Variants in NSG1 observed in about 807,000 individuals in gnomAD.
NSG1 encodes the protein neuronal vesicle trafficking-associated protein 1.
Under a neutral mutation model 19.3 loss-of-function variants are expected in NSG1, and 9 were observed. That is an observed-to-expected ratio of 0.47 (90% CI 0.28 to 0.81). The LOEUF (loss-of-function observed/expected upper bound fraction) is 0.81. NSG1 is among the 40% of genes least tolerant of loss of function. The pLI is 0.11. For missense variants in NSG1, 236 were observed against 242.4 expected, an observed-to-expected ratio of 0.97 and a Z score of 0.18; for synonymous variants, 104 against 107.0, an observed-to-expected ratio of 0.97 and a Z score of 0.17.
Position 4,417,226 on chromosome 4 carries a change from GT to G in NSG1, c.358-8del. On this transcript the variant is annotated splice_polypyrimidine_tract_variant and splice_region_variant and intron_variant, in intron 4 of 4. Transcript: ENST00000621129. ...CGACGCGTGCTCTCAGTGGCCTCTT[GT>G]CTTTCAGAACACCCAGTGCATCCCA... 6.2e-7 allele frequency: 1 copy of G among 1,613,528 alleles called. No individual in the cohort carries two copies. The highest frequency in any genetic ancestry group is 1.3e-5 in the African/African-American group (1 of 75,048).
Position 4,416,105 on chromosome 4 carries a change from C to G in NSG1, c.358-1130C>G, listed in dbSNP as rs6855172. 4.4e-3 allele frequency: 3,034 copies of G among 696,780 alleles called. 69 individuals are homozygous for G. In the African/African-American group the frequency reaches 0.046, roughly 11 times the overall value. 43.2% of individuals were successfully genotyped at this position (696,780 alleles called of 1,614,324 possible). ...CTTTACTTGAGCCACTGTGCATTGACTTGAGTCCTCAGCAACACGGTGGTG... is the reference window on the plus strand; with the variant it reads ...CTTTACTTGAGCCACTGTGCATTGAGTTGAGTCCTCAGCAACACGGTGGTG... On this transcript the variant is annotated intron_variant, in intron 4 of 4. Coordinates refer to ENST00000621129, the MANE Select transcript of NSG1 (RefSeq NM_014392.5).
chr4:4,398,733 G>T (rs1388449624), intron 3 of NSG1, among the ~76,000 whole-genome samples: 12 of 152,160 alleles, frequency 7.9e-5, no homozygotes. Context: ...GCTGTTGTGG[G>T]TAGCGCTGCT....
In NSG1 at chr4:4,392,049, C is replaced by G. The variant is rs371297085; in HGVS notation, c.246+458C>G. Among the ~76,000 whole-genome samples, 5 of 152,190 alleles carry G rather than the reference C, an allele frequency of 3.3e-5. No individual in the cohort carries two copies. The South Asian group carries it at 8.3e-4, about 25-fold the overall frequency. The stretch of plus-strand genomic sequence containing the variant: ...GGCACACCAGTACTATCGGTATAAC[C>G]CATTTTGCAGATGGAAAGGTTGAGG... On this transcript the variant is annotated intron_variant, in intron 3 of 4. Transcript: ENST00000621129.
At chr4:4,398,527 GAATCTT>G (rs1723389845) in intron 3 of NSG1, among the ~76,000 whole-genome samples, 7 of 152,088 alleles carry the variant, frequency 4.6e-5, no homozygotes, top group Admixed American at 3.3e-4. Context: ...CATAGAAATA[GAATCTT>G]GTAAGATGTG....
chr4:4,396,258 G>A (rs1227227833), intron 3 of NSG1, among the ~76,000 whole-genome samples: 1 of 152,148 alleles, frequency 6.6e-6, no homozygotes, highest in Non-Finnish European at 1.5e-5. Context: ...TCTCCTTCCG[G>A]TCTGGAGACT....
chr4:4,388,648 A>G (rs1317555241), intron 2 of NSG1, among the ~76,000 whole-genome samples: 4 of 146,866 alleles, frequency 2.7e-5, no homozygotes, highest in African/African-American at 7.5e-5. Context: ...GTGCTTTTCT[A>G]TTTATTTTCT....
At chr4:4,410,266 A>G (rs1218583659) in intron 4 of NSG1, among the ~76,000 whole-genome samples, 1 of 152,178 alleles carries the variant, frequency 6.6e-6, no homozygotes, top group Non-Finnish European at 1.5e-5. Context: ...TGCATATATA[A>G]TGCTCATTCC....
In NSG1 at chr4:4,418,726, C is replaced by T. The variant is rs554042285; in HGVS notation, c.*1291C>T. The T allele has an allele frequency of 1.8e-4, 28 of 152,712 alleles. No homozygotes were observed. Among genetic ancestry groups the T allele is most frequent in the African/African-American group, 5.8e-4 (24 of 41,558 alleles). 9.5% of individuals were successfully genotyped at this position (152,712 alleles called of 1,614,324 possible). ...GAACAGGCATGGTGACCGTGGTCAG[C>T]GCCACTCTTGTTTCCTGAAATGTGC... is the stretch of plus-strand genomic sequence containing the variant. On this transcript the variant is annotated 3_prime_UTR_variant, in exon 5 of 5. Transcript: ENST00000621129.
intron 3 of NSG1, among the ~76,000 whole-genome samples, chr4:4,398,489 C>T (rs1373912319): frequency 6.6e-6 from 1 of 151,930 alleles, no homozygotes; most frequent in Non-Finnish European, 1.5e-5. Flanking sequence ...TGTTTTGTGT[C>T]CCTGTGACTT....
intron 3 of NSG1, among the ~76,000 whole-genome samples, chr4:4,402,210 A>AT (rs35986151): frequency 0.63 from 88,779 of 140,370 alleles, 31,019 homozygotes; most frequent in East Asian, 0.9. Flanking sequence ...TTTTCCTTTG[A>AT]TTTTTTTTTT....
chr4:4,412,258 C>T (rs1347116307), intron 4 of NSG1, among the ~76,000 whole-genome samples: 1 of 151,940 alleles, frequency 6.6e-6, no homozygotes, highest in Non-Finnish European at 1.5e-5. Context: ...AGCCCAAGTC[C>T]CGCTGGATAC....
At chr4:4,415,555 GGGGTGCTCGCCAC>G in intron 4 of NSG1, among the ~76,000 whole-genome samples, 1 of 152,108 alleles carries the variant, frequency 6.6e-6, no homozygotes, top group Admixed American at 6.5e-5. Context: ...TTCACCCCCT[GGGGTGCTCGCCAC>G]CATGGGCACC....
rs531916543 is a variant in NSG1, at chr4:4,410,840, T to G, written c.357+1157T>G. Among the ~76,000 whole-genome samples, 258 of 152,318 alleles carry G rather than the reference T, an allele frequency of 1.7e-3. 10 individuals carry two copies. Among genetic ancestry groups the G allele is most frequent in the Admixed American group, 0.017 (254 of 15,312 alleles). Reference sequence around the variant, plus strand: ...CAGTAATAAATTAACCTGAGCTCACTGTAACCTTTTTACTTCATAAACTTT... The same window carrying G: ...CAGTAATAAATTAACCTGAGCTCACGGTAACCTTTTTACTTCATAAACTTT... On this transcript the variant is annotated intron_variant, in intron 4 of 4. Transcript: ENST00000621129.
At chr4:4,414,297 C>T (rs1409601239) in intron 4 of NSG1, among the ~76,000 whole-genome samples, 1 of 151,866 alleles carries the variant, frequency 6.6e-6, no homozygotes, top group African/African-American at 2.4e-5. Context: ...AGGGGCCTGG[C>T]ACCTTTTGTT....
intron 3 of NSG1, among the ~76,000 whole-genome samples, chr4:4,397,385 A>G (rs1464876538): frequency 6.6e-6 from 1 of 152,150 alleles, no homozygotes; most frequent in Admixed American, 6.5e-5. Flanking sequence ...ATAAGGCCAG[A>G]AAGGTTAAGG....
chr4:4,411,771 A>AC (rs1560147702), intron 4 of NSG1, among the ~76,000 whole-genome samples: 1 of 118,390 alleles, frequency 8.4e-6, no homozygotes, highest in African/African-American at 4.3e-5. Flanking sequence ...AACAAAACAA[A>AC]ACAAAACAAA....
Position 4,417,278 on chromosome 4 carries a change from A to G in NSG1, c.401A>G (p.Glu134Gly), listed in dbSNP as rs769363422. ...GAAGGCTTGGAGAGCTACTACGCGG[A>G]GCAAGACTCCAGTGCCCGGGAGAAA... ...IPEGLESYYAEQDSSAREKFY... is the reference protein window; with the variant it reads ...IPEGLESYYAGQDSSAREKFY... The change falls in exon 5 of 5, where the codon GAG (glutamate) becomes GGG (glycine). Residue 134 changes from glutamate (E) to glycine (G), a missense_variant. Glu to Gly is a moderately conservative substitution (Grantham distance 98). Coordinates refer to ENST00000621129, the MANE Select transcript of NSG1 (RefSeq NM_014392.5). 1.2e-6 allele frequency: 2 copies of G among 1,614,208 alleles called. No individual in the cohort carries two copies. Among genetic ancestry groups the G allele is most frequent in the Non-Finnish European group, 1.7e-6 (2 of 1,180,042 alleles).
At chr4:4,390,994 G>C (rs1722960536) in intron 2 of NSG1, among the ~76,000 whole-genome samples, 1 of 152,184 alleles carries the variant, frequency 6.6e-6, no homozygotes, top group South Asian at 2.1e-4. Context: ...TTCCAGACAA[G>C]CTGGTGGCCA....
At chr4:4,391,290 T>C (rs1722976037) in intron 2 of NSG1, among the ~76,000 whole-genome samples, 185 bp from the exon 3 acceptor site, 1 of 152,268 alleles carries the variant, frequency 6.6e-6, no homozygotes, top group Admixed American at 6.5e-5. Context: ...ATCAGGATTA[T>C]GAATGGGTCA....
Sources: allele counts gnomAD v4.1 joint callset (sites outside exome capture counted in the v4.1 genomes callset), GRCh38; gene constraint gnomAD v4.1.1; transcripts MANE v1.5; gene names NCBI Gene and HGNC (gene_info 2026-07-23, HGNC 2026-07-21).